Variants in DNHD1 observed in about 807,000 individuals in gnomAD.
The protein encoded by DNHD1 is dynein heavy chain domain-containing protein 1.
In DNHD1, 383 loss-of-function variants were observed where a neutral mutation model predicts 458.1. The observed-to-expected ratio is 0.84, with a 90% CI of 0.77 to 0.91. The LOEUF is 0.91. DNHD1 is among the 40% of genes least tolerant of loss of function. The probability of loss-of-function intolerance (pLI) is 0.00; values close to 1 mark genes in which losing one functional copy is unlikely to be tolerated. For synonymous variants in DNHD1, 2,203 were observed against 2,376.9 expected, an observed-to-expected ratio of 0.93 and a Z score of 2.13; for missense variants, 5,336 against 5,866.1, an observed-to-expected ratio of 0.91 and a Z score of 2.95.
Position 6,544,217 on chromosome 11 carries a change from T to C in DNHD1, c.3725T>C (p.Leu1242Ser), listed in dbSNP as rs1240415586. 1.3e-6 allele frequency: 2 copies of C among 1,551,410 alleles called. No homozygotes were observed. The highest frequency in any genetic ancestry group is 1.7e-6 in the Non-Finnish European group (2 of 1,146,960). Residue 1242 changes from leucine (L) to serine (S), a missense_variant, in exon 19 of 43, where the codon TTG (leucine) becomes TCG (serine). Leu to Ser is a moderately radical substitution (Grantham distance 145). Around this residue, in one of 4 missense-constraint regions of DNHD1, gnomAD observed 3,932 missense variants for 4,365.6 expected, o/e 0.90. Coordinates refer to ENST00000254579, the MANE Select transcript of DNHD1 (RefSeq NM_144666.3). Reference sequence around the variant, plus strand: ...TCAGGAGATTTAAACAAAATAGCTTTGGAGTGGGTGGCCATCATGCATGGC... The same window carrying C: ...TCAGGAGATTTAAACAAAATAGCTTCGGAGTGGGTGGCCATCATGCATGGC... ...EKSGDLNKIALEWVAIMHGLG... is the reference protein window; with the variant it reads ...EKSGDLNKIASEWVAIMHGLG...
intron 7 of DNHD1, among the ~76,000 whole-genome samples, chr11:6,517,145 T>TA (rs1451950059): frequency 2.0e-5 from 3 of 152,182 alleles, no homozygotes; most frequent in Non-Finnish European, 4.4e-5. Flanking sequence ...TGGGGCCTTT[T>TA]AAAAATAAAA....
At chr11:6,536,522 T>G (rs887601087) in intron 14 of DNHD1, among the ~76,000 whole-genome samples, 3 of 152,090 alleles carry the variant, frequency 2.0e-5, no homozygotes, top group Non-Finnish European at 4.4e-5. Flanking sequence ...GCACAGAGCA[T>G]GTGAATGCAA....
chr11:6,501,688 G>A (rs1852138900), intron 3 of DNHD1, among the ~76,000 whole-genome samples: 1 of 152,108 alleles, frequency 6.6e-6, no homozygotes, highest in African/African-American at 2.4e-5. Context: ...GAAAGAGGTA[G>A]CTGTCTGAGG....
Position 6,498,261 on chromosome 11 carries a change from T to C in DNHD1, c.46T>C (p.Ser16Pro), listed in dbSNP as rs79551032. The stretch of plus-strand genomic sequence containing the variant: ...GGTAGGTTTGTCTTCTGATGAGACA[T>C]CATCTGATTCCCTTAAGTCTTGGCA... Reference protein sequence around the residue: ...RRVGLSSDETSSDSLKSWHSI... With the variant: ...RRVGLSSDETPSDSLKSWHSI... Residue 16 changes from serine (S) to proline (P), a missense_variant, in exon 3 of 43, where the codon TCA becomes CCA. Coordinates refer to ENST00000254579, the MANE Select transcript of DNHD1 (RefSeq NM_144666.3). The C allele has an allele frequency of 2.7e-4, 433 of 1,614,170 alleles. 7 individuals are homozygous for C. The East Asian group carries it at 9.5e-3, about 35-fold the overall frequency.
chr11:6,536,493 T>C (rs1403230731), intron 14 of DNHD1, among the ~76,000 whole-genome samples: 1 of 152,224 alleles, frequency 6.6e-6, no homozygotes, highest in East Asian at 1.9e-4. Context: ...TGTGTGTATA[T>C]GTGCATACAC....
intron 24 of DNHD1, 123 bp downstream of exon 24, chr11:6,549,056 A>T: frequency 9.1e-7 from 1 of 1,093,680 alleles, no homozygotes; most frequent in Non-Finnish European, 1.3e-6. Flanking sequence ...TTCTGTTCTT[A>T]ATATCTTCTC....
Position 6,520,245 on chromosome 11 carries a change from A to G in DNHD1, c.1793A>G (p.Gln598Arg). The change falls in exon 10 of 43, where the codon CAG becomes CGG. Residue 598 changes from glutamine (Q) to arginine (R), a missense_variant. Gln to Arg is a conservative substitution (Grantham distance 43, BLOSUM62 1). Transcript: ENST00000254579. Reference protein sequence around the residue: ...SVKTSALQVVQSADLKTSSDS... With the variant: ...SVKTSALQVVRSADLKTSSDS... ...CCATATCCTGGCATGAAGGTAGTGC[A>G]GTCTGCAGACCTGAAGACCTCCTCG... The G allele has an allele frequency of 6.4e-7, 1 of 1,554,626 alleles. No homozygotes were observed. Among genetic ancestry groups the G allele is most frequent in the Admixed American group, 2.0e-5 (1 of 51,152 alleles).
intron 39 of DNHD1, among the ~76,000 whole-genome samples, chr11:6,569,638 T>G (rs973242868): frequency 1.3e-5 from 2 of 152,040 alleles, no homozygotes; most frequent in Non-Finnish European, 2.9e-5. Flanking sequence ...GAGGCAGGAC[T>G]GGGGGCAAGC....
In DNHD1 at chr11:6,533,710, G is replaced by A. The variant is rs181497792; in HGVS notation, c.2535G>A (p.Glu845=). ...KLNEANEQYV[E]LEERMEYVRA... ...ATGAAGCCAATGAACAGTACGTCGA[G>A]CTGGAGGAGCGAATGGAATACGTAC... is the stretch of plus-strand genomic sequence containing the variant. The change falls in exon 14 of 43, where the codon GAG becomes GAA. Residue 845 remains glutamate, a synonymous_variant. Coordinates refer to ENST00000254579, the MANE Select transcript of DNHD1 (RefSeq NM_144666.3). 82 of 1,551,158 alleles carry A rather than the reference G, an allele frequency of 5.3e-5. No homozygotes were observed. In the East Asian group the frequency reaches 2.0e-3, roughly 37 times the overall value.
At chr11:6,528,411 G>GTA in intron 10 of DNHD1, 111 bp from the exon 11 acceptor site, 1 of 1,153,388 alleles carries the variant, frequency 8.7e-7, no homozygotes, top group Middle Eastern at 2.2e-4. Flanking sequence ...ATGGGTGTGT[G>GTA]TGTGTGTGTG....
chr11:6,532,952 C>T (rs1489362904), intron 12 of DNHD1, 75 bp from the exon 13 acceptor site: 37 of 1,428,946 alleles, frequency 2.6e-5, no homozygotes, highest in Non-Finnish European at 3.3e-5. Flanking sequence ...CCTACTCCCA[C>T]TCTGGACCAC....
chr11:6,555,775 TAAC>T (rs1853449845), intron 24 of DNHD1, among the ~76,000 whole-genome samples: 1 of 152,150 alleles, frequency 6.6e-6, no homozygotes, highest in Non-Finnish European at 1.5e-5. Flanking sequence ...TCCGATCAAA[TAAC>T]AATGCCTGTG....
intron 18 of DNHD1, among the ~76,000 whole-genome samples, 151 bp from the exon 19 acceptor site, chr11:6,543,958 CAAAAAAAAAAAA>C (rs34739231): frequency 6.8e-5 from 5 of 74,000 alleles, no homozygotes; most frequent in African/African-American, 5.7e-5. Context: ...GACTCTGTCT[CAAAAAAAAAAAA>C]AAAAAAAAAA....
chr11:6,510,444 C>T (rs917975844), intron 6 of DNHD1, among the ~76,000 whole-genome samples: 3 of 152,168 alleles, frequency 2.0e-5, no homozygotes, highest in African/African-American at 7.2e-5. Context: ...TTTTGAAAAA[C>T]TTTTCCATCT....
rs187136087 is a variant in DNHD1 at position 6,547,604 on chromosome 11, G to A, written c.6665G>A (p.Arg2222His). 43 of 1,544,476 alleles carry A rather than the reference G, an allele frequency of 2.8e-5. No individual in the cohort carries two copies. The highest frequency in any genetic ancestry group is 3.4e-5 in the Non-Finnish European group (39 of 1,141,538). ...AGVAEVTSMA[R>H]ILHSLLDLHL... is the part of the protein sequence containing the mutation. Reference sequence around the variant, plus strand: ...GTGGCAGAAGTTACCAGCATGGCACGCATCTTGCATAGTCTGCTTGACCTC... The same window carrying A: ...GTGGCAGAAGTTACCAGCATGGCACACATCTTGCATAGTCTGCTTGACCTC... The change falls in exon 21 of 43, where the codon CGC becomes CAC. Residue 2222 changes from arginine to histidine, a missense_variant. Arg to His is a conservative substitution (Grantham distance 29). Coordinates refer to ENST00000254579, the MANE Select transcript of DNHD1 (RefSeq NM_144666.3).
chr11:6,518,181 C>T (rs1401028690), intron 7 of DNHD1, among the ~76,000 whole-genome samples: 1 of 152,194 alleles, frequency 6.6e-6, no homozygotes, highest in African/African-American at 2.4e-5. Context: ...ACCTCAGCCT[C>T]CCGAGTAGCT....
chr11:6,570,410 A>G lies in DNHD1; in HGVS notation c.13105+14A>G. 1 of 1,600,860 alleles carries G rather than the reference A, an allele frequency of 6.2e-7. No individual in the cohort carries two copies. Among genetic ancestry groups the G allele is most frequent in the Non-Finnish European group, 8.5e-7 (1 of 1,173,576 alleles). On this transcript the variant is annotated intron_variant, in intron 41 of 42. Coordinates refer to ENST00000254579, the MANE Select transcript of DNHD1 (RefSeq NM_144666.3). Reference sequence around the variant, plus strand: ...TGCCCCTCCCAGGTAAGCCTCACTCAGGTATCTGTTTTGGGGTAGGGAATA... The same window carrying G: ...TGCCCCTCCCAGGTAAGCCTCACTCGGGTATCTGTTTTGGGGTAGGGAATA...
At chr11:6,519,181 T>G (rs1200354520) in intron 7 of DNHD1, among the ~76,000 whole-genome samples, 1 of 152,186 alleles carries the variant, frequency 6.6e-6, no homozygotes, top group Non-Finnish European at 1.5e-5. Context: ...CCAATATCAT[T>G]CTACTCAGCA....
Position 6,559,030 on chromosome 11 carries a change from A to G in DNHD1, c.9340A>G (p.Thr3114Ala). 1 of 1,551,506 alleles carries G rather than the reference A, an allele frequency of 6.4e-7. No individual in the cohort carries two copies. Among genetic ancestry groups the G allele is most frequent in the Non-Finnish European group, 8.7e-7 (1 of 1,146,948 alleles). Residue 3114 changes from threonine (T) to alanine (A), a missense_variant, in exon 27 of 43, where the codon ACC becomes GCC. Transcript: ENST00000254579. ...TGCATTGCCACTCGTCACCCCCAAG[A>G]CCTTCCTAGACTTCCTGGACACTTT... The part of the protein sequence containing the change: ...CPALPLVTPK[T>A]FLDFLDTFLM...
Sources: gnomAD v4.1 joint callset for allele counts (sites outside exome capture counted in the v4.1 genomes callset) on GRCh38, gnomAD v4.1.1 for gene constraint, gnomAD v4.1.1 regional missense constraint, MANE v1.5 for transcripts, NCBI Gene and HGNC (gene_info 2026-07-23, HGNC 2026-07-21) for gene names.